COQ6: variants seen among roughly 807,000 people sequenced by gnomAD.
COQ6 encodes coenzyme Q6, monooxygenase, also known as ubiquinone biosynthesis monooxygenase COQ6, mitochondrial.
Under a neutral mutation model 55.5 loss-of-function variants are expected in COQ6, and 45 were observed. The ratio of observed to expected loss-of-function variants is 0.81; its 90% CI spans 0.64 to 1.04. The LOEUF is 1.04. Among genes scored for constraint, COQ6 ranks in the 50% least tolerant of loss-of-function variants. The pLI is 0.00. For missense variants in COQ6, 550 were observed against 601.3 expected (o/e 0.91, Z 0.89); for synonymous variants, 206 against 230.5 (o/e 0.89, Z 0.96).
intron 5 of COQ6, chr14:73,958,692 C>G (rs2056560900): frequency 4.4e-6 from 6 of 1,351,372 alleles, no homozygotes; most frequent in Non-Finnish European, 5.7e-6. Context: ...CATACTGAAA[C>G]TTTCCTTATT....
intron 4 of COQ6, 125 bp downstream of exon 4, chr14:73,956,053 G>C (rs188688808): frequency 7.1e-6 from 10 of 1,404,422 alleles, no homozygotes; most frequent in African/African-American, 5.6e-5. Context: ...GGCCGGGTGC[G>C]GTGGCTCACG....
chr14:73,960,380 G>A (rs1198598522), intron 8 of COQ6: 12 of 987,324 alleles, frequency 1.2e-5, no homozygotes, highest in South Asian at 4.7e-5. Flanking sequence ...ACAGCCTTTG[G>A]ATAATATGGG....
rs547991623 is a variant in COQ6, at chr14:73,952,215, C to T, written c.164-1220C>T. Among the ~76,000 whole-genome samples the T allele has an allele frequency of 2.7e-5, 4 of 146,420 alleles. No homozygotes were observed. In the East Asian group the frequency reaches 8.6e-4, roughly 31 times the overall value. ...CCAGCTCACTGCAACCTCTGCCTCC[C>T]AGGTTCCAGTGATTCTCCTGCCTCA... On this transcript the variant is annotated intron_variant, in intron 1 of 11. Coordinates refer to ENST00000334571, the MANE Select transcript of COQ6 (RefSeq NM_182476.3).
intron 1 of COQ6, among the ~76,000 whole-genome samples, chr14:73,951,197 T>C (rs2056176763): frequency 6.6e-6 from 1 of 152,100 alleles, no homozygotes; most frequent in African/African-American, 2.4e-5. Context: ...GGTCTCACTA[T>C]GTTGCCCAGG....
At chr14:73,956,033 A>G in intron 4 of COQ6, 105 bp downstream of exon 4, 1 of 1,540,762 alleles carries the variant, frequency 6.5e-7, no homozygotes. Flanking sequence ...CCATAAAGAA[A>G]TCCTCTGATG....
Position 73,956,058 on chromosome 14 carries a change from C to T in COQ6, c.481+130C>T, listed in dbSNP as rs191261041. On this transcript the variant is annotated intron_variant, in intron 4 of 11. Transcript: ENST00000334571. ...ATCCTCTGATGGCCGGGTGCGGTGG[C>T]TCACGCCTGTAATCCCAGCACTTTT... 122 of 1,360,678 alleles carry T rather than the reference C, an allele frequency of 9.0e-5. No homozygotes were observed. The East Asian group carries it at 1.5e-3, about 16-fold the overall frequency. The allele number at this position is 1,360,678 out of a possible 1,614,324, so 84.3% of individuals were successfully genotyped here.
At position 73,956,244 on chromosome 14, in the gene COQ6, C is replaced by T. The variant is rs190139964; in HGVS notation, c.481+316C>T. ...TTGGGAGGCTGAGGCAGGAGAATGG[C>T]GTGAACCCAGGAGGTGGAGCTTGCA... On this transcript the variant is annotated intron_variant, in intron 4 of 11. Coordinates refer to ENST00000334571, the MANE Select transcript of COQ6 (RefSeq NM_182476.3). 7.1e-5 allele frequency: 24 copies of T among 340,118 alleles called. 1 individual carries two copies. The highest frequency in any genetic ancestry group is 2.8e-4 in the African/African-American group (13 of 46,574). 21.1% of individuals were successfully genotyped at this position (340,118 alleles called of 1,614,324 possible).
At chr14:73,956,042 T>TA (rs2056414168) in intron 4 of COQ6, 114 bp downstream of exon 4, 1 of 1,509,590 alleles carries the variant, frequency 6.6e-7, no homozygotes, top group East Asian at 2.3e-5. Context: ...AATCCTCTGA[T>TA]GGCCGGGTGC....
chr14:73,953,585 T>C lies in COQ6; in HGVS notation c.298+16T>C, dbSNP rs749317565. The C allele has an allele frequency of 6.2e-7, 1 of 1,614,130 alleles. No individual in the cohort carries two copies. The highest frequency in any genetic ancestry group is 8.5e-7 in the Non-Finnish European group (1 of 1,179,986). On this transcript the variant is annotated intron_variant, in intron 2 of 11. Transcript: ENST00000334571. ...CTTCTCAGTAGTGAGTAGAAGATCC[T>C]CCTTCAAAGATCCAATCTCCTTTCC... is the stretch of plus-strand genomic sequence containing the variant.
intron 4 of COQ6, 38 bp from the exon 5 acceptor site, chr14:73,958,109 C>T: frequency 6.4e-7 from 1 of 1,566,394 alleles, no homozygotes; most frequent in Non-Finnish European, 8.8e-7. Context: ...ATGTGGCCCA[C>T]CTTTCTAATT....
intron 1 of COQ6, among the ~76,000 whole-genome samples, chr14:73,952,933 T>C (rs1849837844): frequency 6.6e-6 from 1 of 152,112 alleles, no homozygotes; most frequent in Admixed American, 6.6e-5. Flanking sequence ...CACCTCGGCC[T>C]TCAAAGTGCT....
At chr14:73,950,199 C>G (rs1237084435), upstream of COQ6, 2 of 1,548,292 alleles carry the variant, frequency 1.3e-6, no homozygotes, top group East Asian at 4.8e-5. Flanking sequence ...TCCGATTGGC[C>G]TATTTTCTCC....
At position 73,961,687 on chromosome 14, in the gene COQ6, A is replaced by G. The variant is rs1157475652; in HGVS notation, c.1211-50A>G. The G allele has an allele frequency of 2.5e-6, 4 of 1,612,426 alleles. No individual in the cohort carries two copies. The African/African-American group carries it at 4.0e-5, about 16-fold the overall frequency. On this transcript the variant is annotated intron_variant, in intron 10 of 11. Transcript: ENST00000334571. ...TATATCTGGCTTGCTAGGAGATGGA[A>G]GAAAACCTTATTATTGGATTAGGGA...
chr14:73,950,438 T>C lies in COQ6; in HGVS notation c.106T>C (p.Tyr36His). The part of the protein sequence containing the change: ...RWSGASTDTV[Y>H]DVVVSGGGLV... ...GTCCGGCGCCTCAACAGACACCGTG[T>C]ATGACGTGGTGGTGTCGGGTGGAGG... The change falls in exon 1 of 12, where the codon TAT becomes CAT. Residue 36 changes from tyrosine (Y) to histidine (H), a missense_variant. Coordinates refer to ENST00000334571, the MANE Select transcript of COQ6 (RefSeq NM_182476.3). 6.2e-7 allele frequency: 1 copy of C among 1,609,042 alleles called. No individual in the cohort carries two copies. Among genetic ancestry groups the C allele is most frequent in the Non-Finnish European group, 8.5e-7 (1 of 1,178,050 alleles).
At chr14:73,962,739 C>G in intron 11 of COQ6, 2 of 550,378 alleles carry the variant, frequency 3.6e-6, no homozygotes, top group Non-Finnish European at 6.5e-6. Flanking sequence ...ATTGCTTGAG[C>G]CTAGGAGTTT....
intron 2 of COQ6, 49 bp downstream of exon 2, chr14:73,953,618 CT>C (rs776383046): frequency 2.0e-5 from 32 of 1,610,898 alleles, no homozygotes; most frequent in Non-Finnish European, 2.6e-5. Flanking sequence ...TCCCACTTAG[CT>C]TTCTAGTGTA....
chr14:73,958,117 A>G, intron 4 of COQ6, 30 bp from the exon 5 acceptor site: 1 of 1,593,856 alleles, frequency 6.3e-7, no homozygotes, highest in Non-Finnish European at 8.6e-7. Flanking sequence ...CACCTTTCTA[A>G]TTTTTTTTCC....
intron 8 of COQ6, 28 bp from the exon 9 acceptor site, chr14:73,961,145 T>C: frequency 1.9e-6 from 3 of 1,609,492 alleles, no homozygotes; most frequent in Non-Finnish European, 1.7e-6. Context: ...CATTTCACCT[T>C]GTTTGTCTTG....
Position 73,963,380 on chromosome 14 carries a change from G to A in COQ6, c.*381G>A, listed in dbSNP as rs990245354. 3.0e-6 allele frequency: 1 copy of A among 336,336 alleles called. No homozygotes were observed. The highest frequency in any genetic ancestry group is 2.1e-5 in the African/African-American group (1 of 46,908). The allele number at this position is 336,336 out of a possible 1,614,324, so 20.8% of individuals were successfully genotyped here. ...TACAGTTGTTTTTTGATAGAGGTAAGAATTAGACTCGATGCATTTTTGTTA... is the reference window on the plus strand; with the variant it reads ...TACAGTTGTTTTTTGATAGAGGTAAAAATTAGACTCGATGCATTTTTGTTA... On this transcript the variant is annotated 3_prime_UTR_variant, in exon 12 of 12. Transcript: ENST00000334571.
Sources: gnomAD v4.1 joint callset for allele counts (sites outside exome capture counted in the v4.1 genomes callset) on GRCh38, gnomAD v4.1.1 for gene constraint, MANE v1.5 for transcripts, NCBI Gene and HGNC (gene_info 2026-07-23, HGNC 2026-07-21) for gene names.